Variants in SP4 observed in about 807,000 individuals in gnomAD.
SP4 encodes the protein Sp4 transcription factor.
A neutral mutation model predicts 72.8 loss-of-function variants in SP4; 19 were observed. That is an observed-to-expected ratio of 0.26 (90% CI 0.18 to 0.38). The LOEUF (loss-of-function observed/expected upper bound fraction) is 0.38. Among genes scored for constraint, SP4 ranks in the 10% least tolerant of loss-of-function variants. The probability of loss-of-function intolerance (pLI) is 1.00; values close to 1 mark genes in which losing one functional copy is unlikely to be tolerated. For missense variants in SP4, 1,008 were observed against 926.3 expected (o/e 1.09, Z -1.14); for synonymous variants, 395 against 333.1 (o/e 1.19, Z -2.02).
chr7:21,435,155 T>C (rs1320477682), intron 3 of SP4, among the ~76,000 whole-genome samples: 2 of 152,220 alleles, frequency 1.3e-5, no homozygotes, highest in African/African-American at 4.8e-5. Flanking sequence ...ACAGAGATCA[T>C]ACTGTAGGCC....
chr7:21,428,606 A>G, intron 1 of SP4, 71 bp from the exon 2 acceptor site: 1 of 1,382,726 alleles, frequency 7.2e-7, no homozygotes, highest in Non-Finnish European at 9.9e-7. Context: ...AGAAGAGGAG[A>G]GGAAGAAGAC....
chr7:21,506,926 T>G (rs1782013543), intron 5 of SP4, among the ~76,000 whole-genome samples: 1 of 152,182 alleles, frequency 6.6e-6, no homozygotes, highest in South Asian at 2.1e-4. Context: ...GATCCTACAT[T>G]TGGGCGCAGT....
At chr7:21,478,705 T>A (rs1276997760) in intron 4 of SP4, among the ~76,000 whole-genome samples, 2 of 152,242 alleles carry the variant, frequency 1.3e-5, no homozygotes, top group Non-Finnish European at 2.9e-5. Context: ...TTATATTATT[T>A]ATTTTTCATT....
intron 5 of SP4, among the ~76,000 whole-genome samples, chr7:21,502,051 C>CA (rs1554301443): frequency 2.4e-5 from 2 of 81,864 alleles, no homozygotes; most frequent in African/African-American, 4.6e-5. Context: ...CCCCCCCCCC[C>CA]CCGGAACTCC....
Position 21,428,740 on chromosome 7 carries a change from A to T in SP4, c.71A>T (p.Lys24Ile). ...AAAAMATEGG[K>I]TSEPENNNKK... Reference sequence around the variant, plus strand: ...GCGGCGATGGCTACAGAAGGAGGGAAAACCTCTGAGCCAGAGAATAACAAT... The same window carrying T: ...GCGGCGATGGCTACAGAAGGAGGGATAACCTCTGAGCCAGAGAATAACAAT... The change falls in exon 2 of 6, where the codon AAA becomes ATA. Residue 24 changes from lysine (K) to isoleucine (I), a missense_variant. By Grantham distance (102) the Lys-to-Ile change is moderately radical. This residue lies in a region of SP4 where 893 missense variants were observed against 743.3 expected (regional missense o/e 1.20). Coordinates refer to ENST00000222584, the MANE Select transcript of SP4 (RefSeq NM_003112.5). The T allele has an allele frequency of 6.4e-7, 1 of 1,553,900 alleles. No individual in the cohort carries two copies.
At chr7:21,441,514 T>A (rs914278423) in intron 3 of SP4, among the ~76,000 whole-genome samples, 1 of 152,294 alleles carries the variant, frequency 6.6e-6, no homozygotes, top group Non-Finnish European at 1.5e-5. Context: ...AAAATAATAA[T>A]AATAAATAAA....
intron 3 of SP4, among the ~76,000 whole-genome samples, chr7:21,451,786 A>G (rs1374460675): frequency 6.6e-6 from 1 of 152,226 alleles, no homozygotes; most frequent in Non-Finnish European, 1.5e-5. Flanking sequence ...TATTAGATTT[A>G]GAAGACAGAG....
At position 21,496,609 on chromosome 7, in the gene SP4, C is replaced by T. The variant is rs1450225691; in HGVS notation, c.2108-14413C>T. 5.3e-5 allele frequency among the ~76,000 whole-genome samples: 8 copies of T among 152,164 alleles called. 1 individual carries two copies. Among genetic ancestry groups the T allele is most frequent in the Admixed American group, 6.5e-5 (1 of 15,278 alleles). On this transcript the variant is annotated intron_variant, in intron 5 of 5. Transcript: ENST00000222584. The stretch of plus-strand genomic sequence containing the variant: ...TCAGCAGTTTGATTATAATGTGACT[C>T]GATGTGACTCTCTGCATTTAACCTA...
chr7:21,455,102 C>T (rs781196894), intron 3 of SP4, among the ~76,000 whole-genome samples: 1 of 152,270 alleles, frequency 6.6e-6, no homozygotes, highest in East Asian at 1.9e-4. Flanking sequence ...TCAAGAGTGT[C>T]AGGAGTTGAG....
Position 21,513,013 on chromosome 7 carries a change from CTA to C in SP4, c.*1745_*1746del, listed in dbSNP as rs1420166188. 2.0e-5 allele frequency: 3 copies of C among 152,526 alleles called. No individual in the cohort carries two copies. Among genetic ancestry groups the C allele is most frequent in the Non-Finnish European group, 4.4e-5 (3 of 68,016 alleles). 9.4% of individuals were successfully genotyped at this position (152,526 alleles called of 1,614,324 possible). Reference sequence around the variant, plus strand: ...ATCAGTGAAATTGACCATTTGAAAACTAAAAGTTTTTACCTACCTGCTCAATT... The same window carrying C: ...ATCAGTGAAATTGACCATTTGAAAACAAAGTTTTTACCTACCTGCTCAATT... On this transcript the variant is annotated 3_prime_UTR_variant, in exon 6 of 6. Coordinates refer to ENST00000222584, the MANE Select transcript of SP4 (RefSeq NM_003112.5).
At chr7:21,464,549 T>C (rs1473705966) in intron 3 of SP4, among the ~76,000 whole-genome samples, 1 of 152,006 alleles carries the variant, frequency 6.6e-6, no homozygotes, top group African/African-American at 2.4e-5. Flanking sequence ...CTGCTCCGTT[T>C]GTCACAATCT....
At position 21,441,584 on chromosome 7, in the gene SP4, T is replaced by G. The variant is rs1047713847; in HGVS notation, c.1678+10741T>G. Among the ~76,000 whole-genome samples, 4 of 152,210 alleles carry G rather than the reference T, an allele frequency of 2.6e-5. No homozygotes were observed. In the South Asian group the frequency reaches 6.2e-4, roughly 24 times the overall value. ...TGAGTAAAAATATTTGCAATGCAAA[T>G]GATACTTATGAGAGTGTTTCTTTGT... On this transcript the variant is annotated intron_variant, in intron 3 of 5. Coordinates refer to ENST00000222584, the MANE Select transcript of SP4 (RefSeq NM_003112.5).
At chr7:21,499,626 C>G (rs183722535) in intron 5 of SP4, among the ~76,000 whole-genome samples, 1 of 151,824 alleles carries the variant, frequency 6.6e-6, no homozygotes, top group African/African-American at 2.4e-5. Context: ...TTCTGGCCTC[C>G]AGAACTGTGA....
At chr7:21,448,850 C>T (rs2128397584) in intron 3 of SP4, among the ~76,000 whole-genome samples, 1 of 152,268 alleles carries the variant, frequency 6.6e-6, no homozygotes, top group African/African-American at 2.4e-5. Context: ...GTATATAGTG[C>T]ATGTTCAGTA....
At chr7:21,452,679 A>G (rs773486845) in intron 3 of SP4, among the ~76,000 whole-genome samples, 21 of 152,170 alleles carry the variant, frequency 1.4e-4, no homozygotes, top group Non-Finnish European at 2.2e-4. Context: ...GCAAATAACT[A>G]TATTGCCATT....
intron 3 of SP4, among the ~76,000 whole-genome samples, chr7:21,456,705 T>G (rs1189929229): frequency 2.0e-5 from 3 of 152,188 alleles, no homozygotes; most frequent in Non-Finnish European, 4.4e-5. Flanking sequence ...AAAGAGCCGA[T>G]TTTAGTTGAA....
At chr7:21,463,659 G>A (rs1024906442) in intron 3 of SP4, among the ~76,000 whole-genome samples, 3 of 152,208 alleles carry the variant, frequency 2.0e-5, no homozygotes, top group Non-Finnish European at 4.4e-5. Flanking sequence ...TTGGAGAAGA[G>A]ATAGTGCCAA....
chr7:21,446,575 G>A (rs571589698), intron 3 of SP4, among the ~76,000 whole-genome samples: 5 of 152,184 alleles, frequency 3.3e-5, no homozygotes, highest in East Asian at 1.9e-4. Context: ...AGTGTGTTTC[G>A]TAAAATGAAA....
intron 5 of SP4, among the ~76,000 whole-genome samples, chr7:21,487,718 G>T (rs1210146652): frequency 1.4e-5 from 2 of 144,040 alleles, no homozygotes; most frequent in African/African-American, 5.2e-5. Flanking sequence ...GAATTGTCCA[G>T]TGATTCTTTG....
Sources: allele counts gnomAD v4.1 joint callset (sites outside exome capture counted in the v4.1 genomes callset), GRCh38; gene constraint gnomAD v4.1.1; regional missense constraint gnomAD v4.1.1; transcripts MANE v1.5; gene names NCBI Gene and HGNC (gene_info 2026-07-23, HGNC 2026-07-21).